Variants in NRG3 observed in about 807,000 individuals in gnomAD.
The protein encoded by NRG3 is pro-neuregulin-3, membrane-bound isoform.
Under a neutral mutation model 66.9 loss-of-function variants are expected in NRG3, and 31 were observed. The observed-to-expected ratio is 0.46, with a 90% confidence interval of 0.35 to 0.63. NRG3 has a LOEUF of 0.63. NRG3 is among the 20% of genes least tolerant of loss of function. NRG3 has a pLI of 0.00. For synonymous variants in NRG3, 393 were observed against 359.4 expected (o/e 1.09, Z -1.06); for missense variants, 910 against 878.9 (o/e 1.04, Z -0.45).
chr10:82,445,914 T>C (rs2090697793), intron 2 of NRG3, among the ~76,000 whole-genome samples: 1 of 152,252 alleles, frequency 6.6e-6, no homozygotes, highest in Non-Finnish European at 1.5e-5. Context: ...CTTTACTATC[T>C]GGCCTCAACA....
At chr10:82,405,931 C>T (rs376605142) in intron 2 of NRG3, among the ~76,000 whole-genome samples, 1 of 151,924 alleles carries the variant, frequency 6.6e-6, no homozygotes, top group African/African-American at 2.4e-5. Context: ...TAATTTTGTC[C>T]AACCATTAGC....
At chr10:82,537,956 C>T (rs1401419314) in intron 2 of NRG3, among the ~76,000 whole-genome samples, 1 of 152,112 alleles carries the variant, frequency 6.6e-6, no homozygotes, top group Non-Finnish European at 1.5e-5. Flanking sequence ...GCAGGGTTCT[C>T]TTGATGTTGG....
At chr10:82,949,890 G>C (rs1849366652) in intron 4 of NRG3, among the ~76,000 whole-genome samples, 1 of 151,480 alleles carries the variant, frequency 6.6e-6, no homozygotes, top group African/African-American at 2.4e-5. Context: ...AAACCAAAAA[G>C]ATCCTGATTT....
chr10:81,891,156 A>T (rs1033559728), intron 1 of NRG3, among the ~76,000 whole-genome samples: 1 of 152,218 alleles, frequency 6.6e-6, no homozygotes, highest in Non-Finnish European at 1.5e-5. Context: ...ACCTTTCCAA[A>T]ATAGAGATGC....
intron 4 of NRG3, among the ~76,000 whole-genome samples, chr10:82,886,971 C>T (rs1842771772): frequency 2.0e-5 from 3 of 152,172 alleles, no homozygotes; most frequent in Admixed American, 2.0e-4. Context: ...CTTGTAAAAT[C>T]GTTCTAATTA....
chr10:81,927,850 C>T (rs990399412), intron 1 of NRG3, among the ~76,000 whole-genome samples: 1 of 152,120 alleles, frequency 6.6e-6, no homozygotes, highest in Non-Finnish European at 1.5e-5. Context: ...ACTCTCCTCT[C>T]TTTGGAACTC....
chr10:82,270,410 T>C (rs959435257), intron 1 of NRG3, among the ~76,000 whole-genome samples: 2 of 152,242 alleles, frequency 1.3e-5, no homozygotes, highest in South Asian at 4.1e-4. Context: ...AGTATATTAA[T>C]AGGGTATTTG....
chr10:82,247,012 A>G (rs1292669194), intron 1 of NRG3, among the ~76,000 whole-genome samples: 2 of 152,202 alleles, frequency 1.3e-5, no homozygotes, highest in African/African-American at 4.8e-5. Flanking sequence ...AATGATTGTA[A>G]TGCTGTTGGC....
intron 1 of NRG3, among the ~76,000 whole-genome samples, chr10:82,010,976 T>G (rs1157714097): frequency 1.3e-5 from 2 of 152,174 alleles, no homozygotes; most frequent in Non-Finnish European, 2.9e-5. Context: ...AGTGAGCTCA[T>G]CCTGTTTGGA....
chr10:82,805,158 C>T (rs1354982288), intron 3 of NRG3, among the ~76,000 whole-genome samples: 1 of 152,168 alleles, frequency 6.6e-6, no homozygotes, highest in Non-Finnish European at 1.5e-5. Flanking sequence ...TTTCTAAGGT[C>T]TCAGTTGATG....
chr10:82,178,779 T>C (rs2073214102), intron 1 of NRG3, among the ~76,000 whole-genome samples: 1 of 152,110 alleles, frequency 6.6e-6, no homozygotes, highest in African/African-American at 2.4e-5. Context: ...ATTTTTAAAT[T>C]CTTAAAGAAG....
At position 82,642,611 on chromosome 10, in the gene NRG3, GA is replaced by G. The variant is rs34509868; in HGVS notation, c.954-95956del. ...AAGATTGTAGGGAACTCTACAAGGAGAAAAAAAAAACCCTGGTTCTTCCAAT... is the reference window on the plus strand; with the variant it reads ...AAGATTGTAGGGAACTCTACAAGGAGAAAAAAAAACCCTGGTTCTTCCAAT... On this transcript the variant is annotated intron_variant, in intron 2 of 8. Coordinates refer to ENST00000372141, the MANE Select transcript of NRG3 (RefSeq NM_001010848.4). Among the ~76,000 whole-genome samples, 191 of 142,440 alleles carry G rather than the reference GA, an allele frequency of 1.3e-3. 1 individual carries two copies. Among genetic ancestry groups the G allele is most frequent in the African/African-American group, 4.3e-3 (170 of 39,314 alleles). 93.4% of individuals were successfully genotyped at this position (142,440 alleles called of 152,430 possible). A position where few individuals can be genotyped will look rare whatever the true frequency, so the allele number is the denominator to read the frequency against.
intron 1 of NRG3, among the ~76,000 whole-genome samples, chr10:82,265,551 G>A (rs2078253500): frequency 6.6e-6 from 1 of 152,262 alleles, no homozygotes; most frequent in East Asian, 1.9e-4. Flanking sequence ...GTTATTTTTG[G>A]ATGTGGCGTA....
At chr10:82,912,097 T>G (rs2131979818) in intron 4 of NRG3, among the ~76,000 whole-genome samples, 1 of 152,282 alleles carries the variant, frequency 6.6e-6, no homozygotes, top group South Asian at 2.1e-4. Context: ...GACCCAGAAT[T>G]TGGTGAATAT....
intron 2 of NRG3, among the ~76,000 whole-genome samples, chr10:82,544,610 G>T (rs1418268475): frequency 6.6e-6 from 1 of 152,254 alleles, no homozygotes; most frequent in African/African-American, 2.4e-5. Flanking sequence ...TAAGCAGGTG[G>T]TTTCAGCAGG....
intron 1 of NRG3, among the ~76,000 whole-genome samples, chr10:82,286,283 A>G (rs995800903): frequency 6.6e-6 from 1 of 152,172 alleles, no homozygotes; most frequent in African/African-American, 2.4e-5. Context: ...AGTAGCAACT[A>G]TAGATTATTA....
chr10:82,232,782 G>A (rs1368966707), intron 1 of NRG3: 1 of 717,370 alleles, frequency 1.4e-6, no homozygotes, highest in Admixed American at 2.0e-5. Flanking sequence ...GCAACATGGG[G>A]AAGACCAGAG....
intron 1 of NRG3, among the ~76,000 whole-genome samples, chr10:82,106,666 C>T (rs1283874748): frequency 6.6e-6 from 1 of 151,926 alleles, no homozygotes; most frequent in African/African-American, 2.4e-5. Context: ...CCACCATGCC[C>T]AGCTAATTTT....
intron 1 of NRG3, among the ~76,000 whole-genome samples, chr10:81,997,960 T>G (rs2061008732): frequency 6.6e-6 from 1 of 151,980 alleles, no homozygotes; most frequent in Non-Finnish European, 1.5e-5. Flanking sequence ...TCTTCCATTA[T>G]TTCCAGTACC....
Sources: allele counts gnomAD v4.1 joint callset (sites outside exome capture counted in the v4.1 genomes callset), GRCh38; gene constraint gnomAD v4.1.1; transcripts MANE v1.5; gene names NCBI Gene and HGNC (gene_info 2026-07-23, HGNC 2026-07-21).